The following GPC5 variants were observed in gnomAD, a reference collection of about 807,000 sequenced individuals.
GPC5 encodes the protein glypican-5.
In GPC5, 47 loss-of-function variants were observed where a neutral mutation model predicts 53.9. The ratio of observed to expected loss-of-function variants is 0.87; its 90% CI spans 0.69 to 1.11. The LOEUF is 1.11. Ranked by LOEUF, GPC5 falls within the 50% of genes most tolerant of loss-of-function variation. GPC5 has a pLI of 0.00. For missense variants in GPC5, 748 were observed against 713.1 expected, an observed-to-expected ratio of 1.05 and a Z score of -0.56; for synonymous variants, 286 against 263.3, an observed-to-expected ratio of 1.09 and a Z score of -0.84.
intron 7 of GPC5, among the ~76,000 whole-genome samples, chr13:92,427,579 G>A (rs367889314): frequency 1.7e-4 from 26 of 151,766 alleles, no homozygotes; most frequent in African/African-American, 5.6e-4. Context: ...GTCTAATAAC[G>A]GGATTAAACT....
At chr13:92,571,691 GA>G (rs1883027034) in intron 7 of GPC5, among the ~76,000 whole-genome samples, 1 of 152,064 alleles carries the variant, frequency 6.6e-6, no homozygotes, top group East Asian at 1.9e-4. Flanking sequence ...ATATAAATAT[GA>G]AACTGCATTC....
intron 7 of GPC5, among the ~76,000 whole-genome samples, chr13:92,634,511 C>A (rs1043840629): frequency 6.6e-6 from 1 of 151,998 alleles, no homozygotes; most frequent in African/African-American, 2.4e-5. Flanking sequence ...GTATTCGATT[C>A]TTTCTCCAAT....
chr13:92,196,944 T>C (rs747808719), intron 7 of GPC5, among the ~76,000 whole-genome samples: 2 of 152,154 alleles, frequency 1.3e-5, no homozygotes, highest in African/African-American at 2.4e-5. Flanking sequence ...TTTATTTGGG[T>C]AGGCCTGCTA....
At chr13:91,505,168 GA>G (rs1277580310) in intron 2 of GPC5, among the ~76,000 whole-genome samples, 1 of 152,032 alleles carries the variant, frequency 6.6e-6, no homozygotes, top group Non-Finnish European at 1.5e-5. Flanking sequence ...GGTAAACCTG[GA>G]AAAACAGATT....
At chr13:91,659,523 T>C (rs1227449870) in intron 2 of GPC5, among the ~76,000 whole-genome samples, 1 of 152,176 alleles carries the variant, frequency 6.6e-6, no homozygotes, top group Non-Finnish European at 1.5e-5. Flanking sequence ...CTATGAATAT[T>C]CAAGGATATT....
At chr13:92,202,043 T>C (rs1223381314) in intron 7 of GPC5, among the ~76,000 whole-genome samples, 1 of 152,184 alleles carries the variant, frequency 6.6e-6, no homozygotes, top group Non-Finnish European at 1.5e-5. Flanking sequence ...TAGGTCTTCA[T>C]TTACACTATA....
At chr13:91,465,194 A>T (rs1400020233) in intron 2 of GPC5, among the ~76,000 whole-genome samples, 1 of 152,030 alleles carries the variant, frequency 6.6e-6, no homozygotes, top group African/African-American at 2.4e-5. Context: ...ATTCACACTC[A>T]CTTGCTCTTC....
At chr13:91,819,709 A>T (rs2038460359) in intron 5 of GPC5, among the ~76,000 whole-genome samples, 2 of 152,194 alleles carry the variant, frequency 1.3e-5, no homozygotes, top group African/African-American at 4.8e-5. Context: ...CATTACTTAG[A>T]GCTGCCTGTA....
chr13:92,549,884 T>TACACACAC (rs34914341), intron 7 of GPC5, among the ~76,000 whole-genome samples: 3,151 of 140,852 alleles, frequency 0.022, 108 homozygotes, highest in African/African-American at 0.074. Flanking sequence ...AACACACACA[T>TACACACAC]ACACACACAC....
intron 7 of GPC5, among the ~76,000 whole-genome samples, chr13:92,294,570 C>A (rs1243183988): frequency 6.6e-6 from 1 of 151,928 alleles, no homozygotes; most frequent in African/African-American, 2.4e-5. Context: ...TCTTATTGAG[C>A]TGTTTTGGAT....
At chr13:91,851,985 G>T (rs1167872706) in intron 5 of GPC5, among the ~76,000 whole-genome samples, 1 of 150,804 alleles carries the variant, frequency 6.6e-6, no homozygotes, top group Non-Finnish European at 1.5e-5. Context: ...CTTTATAGCA[G>T]CATGATTTAT....
intron 6 of GPC5, among the ~76,000 whole-genome samples, chr13:92,023,400 A>G (rs932101708): frequency 2.0e-5 from 3 of 152,090 alleles, no homozygotes; most frequent in Admixed American, 6.6e-5. Context: ...TGCTATATAT[A>G]CAAAATTGCT....
intron 2 of GPC5, among the ~76,000 whole-genome samples, chr13:91,662,940 T>C (rs1461169600): frequency 6.6e-6 from 1 of 152,150 alleles, no homozygotes; most frequent in Admixed American, 6.5e-5. Flanking sequence ...CAGAGAGAGA[T>C]GGATAAATCA....
At chr13:91,641,514 G>A (rs2034429908) in intron 2 of GPC5, among the ~76,000 whole-genome samples, 1 of 152,180 alleles carries the variant, frequency 6.6e-6, no homozygotes, top group African/African-American at 2.4e-5. Flanking sequence ...TGCATTCTGG[G>A]CTTGATACCT....
intron 7 of GPC5, among the ~76,000 whole-genome samples, chr13:92,255,071 A>G (rs1378326442): frequency 3.9e-5 from 6 of 152,188 alleles, no homozygotes; most frequent in Admixed American, 6.6e-5. Flanking sequence ...TTTACAGACA[A>G]TTTAAAGTAT....
intron 7 of GPC5, among the ~76,000 whole-genome samples, chr13:92,851,579 G>C (rs1044509656): frequency 6.6e-6 from 1 of 151,990 alleles, no homozygotes; most frequent in African/African-American, 2.4e-5. Flanking sequence ...TCTCTCTTTT[G>C]CTCAAGAATG....
chr13:92,829,972 T>C (rs1192465161), intron 7 of GPC5, among the ~76,000 whole-genome samples: 1 of 152,114 alleles, frequency 6.6e-6, no homozygotes, highest in Non-Finnish European at 1.5e-5. Context: ...CATTTTTGGG[T>C]CAATCCAAGG....
chr13:92,523,322 A>G (rs1384663872), intron 7 of GPC5, among the ~76,000 whole-genome samples: 2 of 152,134 alleles, frequency 1.3e-5, no homozygotes, highest in East Asian at 3.9e-4. Flanking sequence ...GTAGTTTCTC[A>G]GTCATATGCT....
intron 7 of GPC5, among the ~76,000 whole-genome samples, chr13:92,518,575 G>T (rs1880888220): frequency 6.6e-6 from 1 of 152,160 alleles, no homozygotes; most frequent in South Asian, 2.1e-4. Context: ...ACAAGCAAAT[G>T]CTGAGAGATT....
Sources: gnomAD v4.1 joint callset for allele counts (sites outside exome capture counted in the v4.1 genomes callset) on GRCh38, gnomAD v4.1.1 for gene constraint, MANE v1.5 for transcripts, NCBI Gene and HGNC (gene_info 2026-07-23, HGNC 2026-07-21) for gene names.